The following CCDC171 variants were observed in gnomAD, a reference collection of about 807,000 sequenced individuals.
CCDC171 encodes coiled-coil domain containing 171, also known as coiled-coil domain-containing protein 171.
Under a neutral mutation model 168.2 loss-of-function variants are expected in CCDC171, and 177 were observed. The observed-to-expected ratio is 1.05, with a 90% CI of 0.93 to 1.19. CCDC171 has a LOEUF of 1.19. Among genes scored for constraint, CCDC171 ranks in the 50% most tolerant of loss-of-function variants. CCDC171 has a pLI of 0.00. For missense variants in CCDC171, 1,991 were observed against 1,539.0 expected (o/e 1.29, Z -4.91); for synonymous variants, 687 against 540.8 (o/e 1.27, Z -3.75).
chr9:15,611,179 A>G (rs1174363489), intron 6 of CCDC171, among the ~76,000 whole-genome samples: 2 of 152,076 alleles, frequency 1.3e-5, no homozygotes, highest in Non-Finnish European at 2.9e-5. Flanking sequence ...ACCTTCTACC[A>G]TGATTGTAAA....
chr9:15,572,009 A>C (rs927502681), intron 3 of CCDC171, among the ~76,000 whole-genome samples: 1 of 152,220 alleles, frequency 6.6e-6, no homozygotes, highest in Admixed American at 6.5e-5. Context: ...CAATTGATTA[A>C]AATTATTTAT....
chr9:16,070,053 A>G, the CCDC171 span, among the ~76,000 whole-genome samples: 1 of 152,078 alleles, frequency 6.6e-6, no homozygotes, highest in Admixed American at 6.6e-5. Context: ...GTGTGCTCTC[A>G]TGAAAAGGGG....
chr9:16,089,932 G>T, the CCDC171 span, among the ~76,000 whole-genome samples: 3 of 152,162 alleles, frequency 2.0e-5, no homozygotes, highest in African/African-American at 7.2e-5. Flanking sequence ...AAATGCTGGA[G>T]AGGATGTGGA....
In CCDC171 at chr9:15,654,858, A is replaced by G. The variant is rs566814048; in HGVS notation, c.823-2269A>G. 3.3e-5 allele frequency among the ~76,000 whole-genome samples: 5 copies of G among 152,260 alleles called. No individual in the cohort carries two copies. In the South Asian group the frequency reaches 1.0e-3, roughly 32 times the overall value. ...AGCCGAAGCAGAGTGAAGGATATGA[A>G]CAGATGAGTTCATGTCCTTTGTAGG... On this transcript the variant is annotated intron_variant, in intron 7 of 25. Transcript: ENST00000380701.
Position 15,853,172 on chromosome 9 carries a change from G to T in CCDC171, c.3468+4225G>T, listed in dbSNP as rs145194957. Among the ~76,000 whole-genome samples, 117 of 151,684 alleles carry T rather than the reference G, an allele frequency of 7.7e-4. No homozygotes were observed. The East Asian group carries it at 0.012, about 15-fold the overall frequency. On this transcript the variant is annotated intron_variant, in intron 23 of 25. Transcript: ENST00000380701. Reference sequence around the variant, plus strand: ...TTTATAGATCAATTTGGGGAGTATTGTCATCTTAACAAAATATTAAGTCTT... The same window carrying T: ...TTTATAGATCAATTTGGGGAGTATTTTCATCTTAACAAAATATTAAGTCTT...
At chr9:16,106,882 G>T in the CCDC171 span, among the ~76,000 whole-genome samples, 1 of 152,110 alleles carries the variant, frequency 6.6e-6, no homozygotes, top group Non-Finnish European at 1.5e-5. Flanking sequence ...TCACCCTCCA[G>T]GTTCAGGACT....
the CCDC171 span, among the ~76,000 whole-genome samples, chr9:16,078,655 C>G: frequency 4.6e-5 from 7 of 152,140 alleles, no homozygotes; most frequent in Non-Finnish European, 1.0e-4. Context: ...GATAGATTAT[C>G]AGGAAACTTA....
chr9:15,638,859 G>T (rs992460794), intron 7 of CCDC171, among the ~76,000 whole-genome samples: 1 of 151,832 alleles, frequency 6.6e-6, no homozygotes, highest in African/African-American at 2.4e-5. Flanking sequence ...AAATATCCAT[G>T]GCTTTTATAA....
At chr9:15,578,261 G>A (rs995365447) in intron 3 of CCDC171, among the ~76,000 whole-genome samples, 1 of 148,600 alleles carries the variant, frequency 6.7e-6, no homozygotes, top group Non-Finnish European at 1.5e-5. Context: ...TTTTTAGACG[G>A]TCTTGCTCTG....
intron 8 of CCDC171, among the ~76,000 whole-genome samples, chr9:16,037,307 A>T (rs956538408): frequency 2.0e-5 from 3 of 152,230 alleles, no homozygotes; most frequent in African/African-American, 7.2e-5. Context: ...TGGATGAATA[A>T]ATGTGATTCT....
At chr9:15,592,466 A>G (rs2042071304) in intron 5 of CCDC171, among the ~76,000 whole-genome samples, 1 of 152,210 alleles carries the variant, frequency 6.6e-6, no homozygotes, top group South Asian at 2.1e-4. Context: ...TAATTACACA[A>G]AAGCATTTAA....
chr9:15,862,645 C>T (rs912753414), intron 23 of CCDC171, among the ~76,000 whole-genome samples: 3 of 150,992 alleles, frequency 2.0e-5, no homozygotes, highest in Middle Eastern at 3.2e-3. Flanking sequence ...AAAAAAAGAA[C>T]CTACCATCTC....
intron 25 of CCDC171, among the ~76,000 whole-genome samples, chr9:15,966,593 A>T (rs1049438429): frequency 6.6e-6 from 1 of 151,740 alleles, no homozygotes; most frequent in Non-Finnish European, 1.5e-5. Flanking sequence ...AATATATTCT[A>T]CCTCTTTTTT....
At chr9:15,649,904 C>T (rs191460812) in intron 7 of CCDC171, among the ~76,000 whole-genome samples, 25 of 152,276 alleles carry the variant, frequency 1.6e-4, no homozygotes, top group African/African-American at 5.1e-4. Flanking sequence ...ACTGGGTATA[C>T]ACCCAAAGGA....
At chr9:15,575,234 T>C (rs2040552318) in intron 3 of CCDC171, among the ~76,000 whole-genome samples, 1 of 149,494 alleles carries the variant, frequency 6.7e-6, no homozygotes, top group Admixed American at 6.8e-5. Flanking sequence ...GGTGTGATCT[T>C]GGCTCACTGC....
intron 3 of CCDC171, among the ~76,000 whole-genome samples, chr9:15,989,888 A>G (rs1049011208): frequency 5.9e-5 from 9 of 152,196 alleles, no homozygotes; most frequent in African/African-American, 2.2e-4. Flanking sequence ...AAAAAGAGTA[A>G]AAAGAAATGA....
chr9:15,572,837 A>T (rs942061085), intron 3 of CCDC171, among the ~76,000 whole-genome samples: 1 of 152,224 alleles, frequency 6.6e-6, no homozygotes, highest in African/African-American at 2.4e-5. Context: ...GGCACATAAT[A>T]GGCCGTCAGT....
chr9:15,906,612 C>T (rs1264628242), intron 24 of CCDC171, among the ~76,000 whole-genome samples: 1 of 152,142 alleles, frequency 6.6e-6, no homozygotes, highest in Admixed American at 6.5e-5. Context: ...AAAACTGGCC[C>T]AAGACAGGGA....
chr9:15,650,769 A>G (rs1310931002), intron 7 of CCDC171, among the ~76,000 whole-genome samples: 2 of 152,000 alleles, frequency 1.3e-5, no homozygotes, highest in Non-Finnish European at 1.5e-5. Context: ...TATGGGGTAC[A>G]TGTGTTTTTT....
Sources: gnomAD v4.1 joint callset for allele counts (sites outside exome capture counted in the v4.1 genomes callset) on GRCh38, gnomAD v4.1.1 for gene constraint, MANE v1.5 for transcripts, NCBI Gene and HGNC (gene_info 2026-07-23, HGNC 2026-07-21) for gene names.